The following SPEN variants were observed in gnomAD, a reference collection of about 807,000 sequenced individuals.
SPEN encodes msx2-interacting protein.
Under a neutral mutation model 269.9 loss-of-function variants are expected in SPEN, and 18 were observed. That is an observed-to-expected ratio of 0.07 (90% CI 0.05 to 0.10). The LOEUF (loss-of-function observed/expected upper bound fraction) is 0.10. SPEN is among the 10% of genes least tolerant of loss of function. The pLI, the probability that SPEN is intolerant of heterozygous loss-of-function variation, is 1.00. For missense variants in SPEN, 3,822 were observed against 4,631.2 expected, an observed-to-expected ratio of 0.83 and a Z score of 5.07; for synonymous variants, 1,726 against 1,765.7, an observed-to-expected ratio of 0.98 and a Z score of 0.56.
Position 15,932,749 on chromosome 1 carries a change from A to T in SPEN, c.6509A>T (p.Glu2170Val), listed in dbSNP as rs1422237665. 5.6e-6 allele frequency: 9 copies of T among 1,614,194 alleles called. No individual in the cohort carries two copies. Among genetic ancestry groups the T allele is most frequent in the Non-Finnish European group, 6.8e-6 (8 of 1,180,028 alleles). Reference sequence around the variant, plus strand: ...GCCACCCAGTTAGCCAAGCAGATGGAGCTGGAGCAGGCCGTGGAACACATC... The same window carrying T: ...GCCACCCAGTTAGCCAAGCAGATGGTGCTGGAGCAGGCCGTGGAACACATC... ...PEATQLAKQM[E>V]LEQAVEHIAK... is the part of the protein sequence containing the mutation. Residue 2170 changes from glutamate (E) to valine (V), a missense_variant, in exon 11 of 15, where the codon GAG (glutamate) becomes GTG (valine). This residue lies in a region of SPEN where 727 missense variants were observed against 737.9 expected (regional missense o/e 0.99). Transcript: ENST00000375759. This position sits in a 1 kb window ranked among gnomAD's most constrained non-coding sequence, Gnocchi z 4.2.
chr1:15,899,096 A>G (rs1255879304), intron 3 of SPEN, among the ~76,000 whole-genome samples: 2 of 152,134 alleles, frequency 1.3e-5, no homozygotes, highest in African/African-American at 4.8e-5. Context: ...GGGGAACCCC[A>G]TGGCTGTACC....
In SPEN at chr1:15,931,471, A is replaced by C. The variant is rs1347424402; in HGVS notation, c.5231A>C (p.Gln1744Pro). 2 of 1,614,062 alleles carry C rather than the reference A, an allele frequency of 1.2e-6. No individual in the cohort carries two copies. The highest frequency in any genetic ancestry group is 3.3e-5 in the Admixed American group (2 of 60,000). ...KPPTPGASFS[Q>P]AESNVDPEPD... Reference sequence around the variant, plus strand: ...CCAACTCCCGGGGCCTCGTTTTCCCAGGCAGAGAGCAACGTAGATCCAGAG... The same window carrying C: ...CCAACTCCCGGGGCCTCGTTTTCCCCGGCAGAGAGCAACGTAGATCCAGAG... The change falls in exon 11 of 15, where the codon CAG (glutamine) becomes CCG (proline). Residue 1744 changes from glutamine (Q) to proline (P), a missense_variant. By Grantham distance (76) the Gln-to-Pro change is moderately conservative. This residue lies in a region of SPEN where 533 missense variants were observed against 618.8 expected (regional missense o/e 0.86). Coordinates refer to ENST00000375759, the MANE Select transcript of SPEN (RefSeq NM_015001.3). This position sits in a 1 kb window ranked among gnomAD's most constrained non-coding sequence, Gnocchi z 4.8.
chr1:15,927,437 T>G (rs2071179366), intron 10 of SPEN, among the ~76,000 whole-genome samples: 1 of 152,212 alleles, frequency 6.6e-6, no homozygotes, highest in Non-Finnish European at 1.5e-5. Flanking sequence ...TTTAACCAGG[T>G]TCCAGTATTT....
chr1:15,856,042 G>C (rs1011815261), intron 1 of SPEN, among the ~76,000 whole-genome samples: 5 of 140,898 alleles, frequency 3.5e-5, no homozygotes, highest in Non-Finnish European at 6.1e-5. Context: ...GCCCAGGCTG[G>C]AGTGCAGTGG....
At chr1:15,861,647 T>C (rs528802800) in intron 1 of SPEN, among the ~76,000 whole-genome samples, 6 of 152,144 alleles carry the variant, frequency 3.9e-5, no homozygotes, top group African/African-American at 1.4e-4. Flanking sequence ...CTCTCTTTTT[T>C]TTGTGGGGGG....
intron 1 of SPEN, among the ~76,000 whole-genome samples, chr1:15,867,835 T>G (rs1465920140): frequency 6.6e-6 from 1 of 151,986 alleles, no homozygotes; most frequent in East Asian, 1.9e-4. Flanking sequence ...TATTGGCCAT[T>G]TATGTATCTC....
chr1:15,873,421 T>G, intron 2 of SPEN: 1 of 1,118,072 alleles, frequency 8.9e-7, no homozygotes, highest in Non-Finnish European at 1.1e-6. Context: ...GAATTACTTA[T>G]TCCTTCTCTT....
chr1:15,899,211 T>C (rs910780225), intron 3 of SPEN, among the ~76,000 whole-genome samples: 2 of 152,144 alleles, frequency 1.3e-5, no homozygotes, highest in Non-Finnish European at 2.9e-5. Flanking sequence ...CACTTTGTCA[T>C]CTAGGCTGCA....
intron 1 of SPEN, among the ~76,000 whole-genome samples, chr1:15,871,598 T>C (rs1343046165): frequency 6.6e-6 from 1 of 152,140 alleles, no homozygotes; most frequent in Non-Finnish European, 1.5e-5. Context: ...CCAGCCTGTA[T>C]AAATAATTTT....
At chr1:15,850,728 GA>G (rs1455836745) in intron 1 of SPEN, among the ~76,000 whole-genome samples, 31 of 152,286 alleles carry the variant, frequency 2.0e-4, no homozygotes, top group Non-Finnish European at 2.9e-5. Flanking sequence ...GAGTAAAAGT[GA>G]AATCTGAATA....
In SPEN at chr1:15,892,942, T is replaced by C. The variant is rs1307983056; in HGVS notation, c.881+16264T>C. 3.3e-5 allele frequency among the ~76,000 whole-genome samples: 5 copies of C among 151,936 alleles called. No individual in the cohort carries two copies. The East Asian group carries it at 9.6e-4, about 29-fold the overall frequency. On this transcript the variant is annotated intron_variant, in intron 3 of 14. Transcript: ENST00000375759. ...GGCAAAACCCCATCTCTATTAAAAA[T>C]ACAAAATTAGCTGGGCGTGGTGGCA...
chr1:15,873,853 T>C (rs1053134921), intron 2 of SPEN: 2 of 1,073,556 alleles, frequency 1.9e-6, no homozygotes, highest in Admixed American at 9.5e-5. Flanking sequence ...ATATGGGATG[T>C]CTTGCTGTCA....
At position 15,934,007 on chromosome 1, in the gene SPEN, A is replaced by G. The variant is rs1433286658; in HGVS notation, c.7767A>G (p.Pro2589=). Residue 2589 remains proline (P), a synonymous_variant, in exon 11 of 15, where the codon CCA becomes CCG. Coordinates refer to ENST00000375759, the MANE Select transcript of SPEN (RefSeq NM_015001.3). The surrounding 1 kb of genome is among the most constrained non-coding windows in gnomAD (Gnocchi z 9.2). The part of the protein sequence containing the change: ...KKPLEEKTAP[P]VTNNSEIQAS... ...CTTTAGAAGAAAAAACAGCACCTCCAGTGACAAACAACTCTGAGATACAAG... is the reference window on the plus strand; with the variant it reads ...CTTTAGAAGAAAAAACAGCACCTCCGGTGACAAACAACTCTGAGATACAAG... The G allele has an allele frequency of 2.5e-6, 4 of 1,613,868 alleles. No homozygotes were observed. The African/African-American group carries it at 4.0e-5, about 16-fold the overall frequency.
intron 3 of SPEN, among the ~76,000 whole-genome samples, chr1:15,897,392 C>T (rs569495352): frequency 6.8e-6 from 1 of 147,048 alleles, no homozygotes; most frequent in East Asian, 2.0e-4. Context: ...GACGGAGTTT[C>T]GCTCTTGTTG....
intron 1 of SPEN, among the ~76,000 whole-genome samples, chr1:15,856,156 A>G (rs1225763298): frequency 6.6e-6 from 1 of 150,832 alleles, no homozygotes; most frequent in Non-Finnish European, 1.5e-5. Flanking sequence ...CACCCGGCTA[A>G]TTTTTTTGTA....
At chr1:15,871,178 A>G (rs577272552) in intron 1 of SPEN, among the ~76,000 whole-genome samples, 1 of 152,262 alleles carries the variant, frequency 6.6e-6, no homozygotes, top group Admixed American at 6.5e-5. Flanking sequence ...CATGTTGGTC[A>G]GGCTGGGTCT....
intron 3 of SPEN, among the ~76,000 whole-genome samples, chr1:15,880,354 A>G (rs1412149006): frequency 6.6e-6 from 1 of 150,680 alleles, no homozygotes; most frequent in African/African-American, 2.4e-5. Context: ...TTTCAACCCT[A>G]TATTTACATG....
intron 6 of SPEN, 103 bp from the exon 7 acceptor site, chr1:15,918,823 G>A: frequency 1.1e-6 from 1 of 931,200 alleles, no homozygotes; most frequent in Non-Finnish European, 1.6e-6. Flanking sequence ...AATGATGATT[G>A]AGAACATGAC....
At chr1:15,909,891 C>T (rs1313485476) in intron 4 of SPEN, among the ~76,000 whole-genome samples, 6 of 151,806 alleles carry the variant, frequency 4.0e-5, no homozygotes, top group African/African-American at 1.2e-4. Flanking sequence ...TTTGGGAGGC[C>T]GAGGCGGGCG....
Sources: gnomAD v4.1 joint callset for allele counts (sites outside exome capture counted in the v4.1 genomes callset) on GRCh38, gnomAD v4.1.1 for gene constraint, gnomAD v4.1.1 regional missense constraint, Gnocchi (gnomAD v3.1) non-coding constraint, MANE v1.5 for transcripts, NCBI Gene and HGNC (gene_info 2026-07-23, HGNC 2026-07-21) for gene names.